ADAD1: variants seen among roughly 807,000 people sequenced by gnomAD.
The protein encoded by ADAD1 is adenosine deaminase domain containing 1.
ADAD1 carries 46 observed loss-of-function variants against 66.8 expected under a neutral mutation model. The observed-to-expected ratio is 0.69, with a 90% confidence interval of 0.54 to 0.88. The LOEUF (loss-of-function observed/expected upper bound fraction) is 0.88. ADAD1 is among the 40% of genes least tolerant of loss of function. ADAD1 has a pLI of 0.00. For missense variants in ADAD1, 617 were observed against 681.8 expected (o/e 0.91, Z 1.06); for synonymous variants, 248 against 229.4 (o/e 1.08, Z -0.73).
chr4:122,388,025 C>T (rs1413100224), intron 5 of ADAD1, among the ~76,000 whole-genome samples: 1 of 152,110 alleles, frequency 6.6e-6, no homozygotes, highest in Non-Finnish European at 1.5e-5. Context: ...TACCAGAGTG[C>T]TGGGATTACA....
At chr4:122,403,973 G>T (rs1349918900) in intron 7 of ADAD1, among the ~76,000 whole-genome samples, 3 of 152,012 alleles carry the variant, frequency 2.0e-5, no homozygotes. Flanking sequence ...GCACTGACAG[G>T]CCTCACCCAG....
At chr4:122,399,953 A>G (rs1239766045) in intron 7 of ADAD1, among the ~76,000 whole-genome samples, 1 of 151,948 alleles carries the variant, frequency 6.6e-6, no homozygotes, top group African/African-American at 2.4e-5. Flanking sequence ...GTGAACAGTG[A>G]CAGTTTGACT....
intron 4 of ADAD1, among the ~76,000 whole-genome samples, chr4:122,382,330 A>AT (rs1301040886): frequency 6.6e-6 from 1 of 152,218 alleles, no homozygotes; most frequent in African/African-American, 2.4e-5. Flanking sequence ...CAGTGTCAGA[A>AT]TTTTTTAATA....
intron 9 of ADAD1, among the ~76,000 whole-genome samples, chr4:122,411,697 A>G (rs1796474059): frequency 6.6e-6 from 1 of 152,176 alleles, no homozygotes; most frequent in Non-Finnish European, 1.5e-5. Context: ...TTCATATTTC[A>G]GATTTTTGGA....
chr4:122,387,434 T>G (rs1249279179), intron 5 of ADAD1, among the ~76,000 whole-genome samples: 1 of 152,182 alleles, frequency 6.6e-6, no homozygotes, highest in East Asian at 1.9e-4. Context: ...CAGGAAGTTT[T>G]GGGGCTGAAA....
intron 7 of ADAD1, among the ~76,000 whole-genome samples, chr4:122,402,880 C>T (rs1202228782): frequency 6.6e-6 from 1 of 152,044 alleles, no homozygotes; most frequent in African/African-American, 2.4e-5. Flanking sequence ...TCTCTGGAGA[C>T]TTTTTTATCC....
At chr4:122,427,835 G>A (rs1344702367) in intron 12 of ADAD1, among the ~76,000 whole-genome samples, 1 of 151,822 alleles carries the variant, frequency 6.6e-6, no homozygotes, top group African/African-American at 2.4e-5. Flanking sequence ...GCAATCCAAA[G>A]GCCATTTAAG....
At chr4:122,412,468 T>C in intron 9 of ADAD1, 112 bp from the exon 10 acceptor site, 1 of 843,126 alleles carries the variant, frequency 1.2e-6, no homozygotes, top group Non-Finnish European at 1.8e-6. Context: ...GTTACTGGAA[T>C]TAAATGTACA....
intron 9 of ADAD1, among the ~76,000 whole-genome samples, chr4:122,412,271 A>G (rs1256336156): frequency 6.6e-6 from 1 of 152,182 alleles, no homozygotes; most frequent in Non-Finnish European, 1.5e-5. Context: ...ATACAGAGGA[A>G]GGAACTAATT....
chr4:122,418,205 C>T (rs1350692779), intron 11 of ADAD1, among the ~76,000 whole-genome samples: 5 of 150,692 alleles, frequency 3.3e-5, no homozygotes, highest in African/African-American at 1.2e-4. Context: ...TAGGTAACCA[C>T]ACAAATATAA....
At position 122,429,640 on chromosome 4, in the gene ADAD1, C is replaced by T; in HGVS notation, c.1632C>T (p.Ser544=). The change falls in exon 13 of 13, where the codon TCC becomes TCT. Residue 544 remains serine (S), a synonymous_variant. Coordinates refer to ENST00000296513, the MANE Select transcript of ADAD1 (RefSeq NM_139243.4). ...TTCTTCTCTAGTGTATGTCTGCCTC[C>T]TATCAAGAAGCTAAATGTAAGTTGA... ...TYHAAKCMSA[S]YQEAKCKLKS... 6.2e-7 allele frequency: 1 copy of T among 1,611,102 alleles called. No individual in the cohort carries two copies. Among genetic ancestry groups the T allele is most frequent in the South Asian group, 1.1e-5 (1 of 90,866 alleles).
intron 12 of ADAD1, among the ~76,000 whole-genome samples, chr4:122,424,397 G>T (rs528824573): frequency 2.0e-5 from 3 of 146,854 alleles, no homozygotes; most frequent in Non-Finnish European, 4.7e-5. Flanking sequence ...ACAACACTGT[G>T]TTGTTGAGTT....
intron 4 of ADAD1, 63 bp from the exon 5 acceptor site, chr4:122,383,736 A>C (rs1795018475): frequency 3.4e-5 from 52 of 1,509,938 alleles, no homozygotes; most frequent in Non-Finnish European, 4.5e-5. Flanking sequence ...TCCTATGTAC[A>C]TACATTGTTT....
chr4:122,400,371 A>T (rs1824969), intron 7 of ADAD1, among the ~76,000 whole-genome samples: 4 of 151,978 alleles, frequency 2.6e-5, no homozygotes, highest in Non-Finnish European at 5.9e-5. Flanking sequence ...TGATCATGGT[A>T]TATGATCTTT....
At chr4:122,398,308 G>A (rs1290810103) in intron 7 of ADAD1, among the ~76,000 whole-genome samples, 1 of 131,962 alleles carries the variant, frequency 7.6e-6, no homozygotes, top group Non-Finnish European at 1.6e-5. Flanking sequence ...AGGCTGAGTA[G>A]TATTCCAGGG....
At chr4:122,427,157 TA>T in intron 12 of ADAD1, among the ~76,000 whole-genome samples, 1 of 152,168 alleles carries the variant, frequency 6.6e-6, no homozygotes, top group Admixed American at 6.5e-5. Flanking sequence ...AAGAGCAATA[TA>T]GAAAAATAAA....
chr4:122,427,594 G>A (rs1435332084), intron 12 of ADAD1, among the ~76,000 whole-genome samples: 3 of 128,522 alleles, frequency 2.3e-5, no homozygotes, highest in African/African-American at 9.1e-5. Context: ...GAATGTGATG[G>A]TATGATCTCG....
chr4:122,384,265 T>G (rs369284720), intron 5 of ADAD1, among the ~76,000 whole-genome samples: 1 of 152,236 alleles, frequency 6.6e-6, no homozygotes, highest in Non-Finnish European at 1.5e-5. Context: ...ATTCTTATTA[T>G]GAATGTAATA....
At chr4:122,396,533 A>G (rs758076332) in intron 7 of ADAD1, among the ~76,000 whole-genome samples, 156 bp downstream of exon 7, 6 of 152,206 alleles carry the variant, frequency 3.9e-5, no homozygotes, top group Non-Finnish European at 8.8e-5. Context: ...TCTCCAAGGT[A>G]GAGATAAAGC....
Sources: allele counts gnomAD v4.1 joint callset (sites outside exome capture counted in the v4.1 genomes callset), GRCh38; gene constraint gnomAD v4.1.1; transcripts MANE v1.5; gene names NCBI Gene and HGNC (gene_info 2026-07-23, HGNC 2026-07-21).